The following ZNF74 variants were observed in gnomAD, a reference collection of about 807,000 sequenced individuals.
ZNF74 encodes the protein zinc finger protein 74, also known as zinc finger protein 520.
Under a neutral mutation model 17.7 loss-of-function variants are expected in ZNF74, and 12 were observed. That is an observed-to-expected ratio of 0.68 (90% CI 0.43 to 1.10). The LOEUF is 1.10. Among genes scored for constraint, ZNF74 ranks in the 50% least tolerant of loss-of-function variants. The pLI is 0.00. For missense variants in ZNF74, 811 were observed against 881.0 expected (o/e 0.92, Z 1.01); for synonymous variants, 358 against 362.1 (o/e 0.99, Z 0.13).
rs2052357678 is a variant in ZNF74, at chr22:20,401,546, C to G, written c.343+174C>G. Among the ~76,000 whole-genome samples, 1 of 152,214 alleles carries G rather than the reference C, an allele frequency of 6.6e-6. No homozygotes were observed. Among genetic ancestry groups the G allele is most frequent in the South Asian group, 2.1e-4 (1 of 4,830 alleles). ...GCACGTACTGAGCACTGCCTGTGTG[C>G]TGAGACCTGTTCTGGGATACAACAG... On this transcript the variant is annotated intron_variant, in intron 4 of 4. Transcript: ENST00000400451. The surrounding 1 kb of genome is among the most constrained non-coding windows in gnomAD (Gnocchi z 4.2).
Position 20,406,775 on chromosome 22 carries a change from G to T in ZNF74, c.1742G>T (p.Gly581Val), listed in dbSNP as rs1283606035. The T allele has an allele frequency of 1.2e-6, 2 of 1,614,004 alleles. No homozygotes were observed. The highest frequency in any genetic ancestry group is 2.7e-5 in the African/African-American group (2 of 74,942). The change falls in exon 5 of 5, where the codon GGG becomes GTG. Residue 581 changes from glycine to valine, a missense_variant. Gly to Val is a moderately radical substitution (Grantham distance 109). This residue lies in a region of ZNF74 where 115 missense variants were observed against 119.5 expected (regional missense o/e 0.96). Transcript: ENST00000400451. ...GAGCACCAGAGGCTGCACAGCGAGG[G>T]GAAGCCCTTGGCCATCCAGTTCAAC... Reference protein sequence around the residue: ...LTEHQRLHSEGKPLAIQFNKH... With the variant: ...LTEHQRLHSEVKPLAIQFNKH...
intron 4 of ZNF74, among the ~76,000 whole-genome samples, chr22:20,404,320 T>A (rs2052389213): frequency 6.6e-6 from 1 of 152,008 alleles, no homozygotes; most frequent in Non-Finnish European, 1.5e-5. Context: ...GTACAGCTTT[T>A]TGGGTTTTGT....
rs1487994754 is a variant in ZNF74 at position 20,407,539 on chromosome 22, C to A, written c.*571C>A. 3 of 152,946 alleles carry A rather than the reference C, an allele frequency of 2.0e-5. No homozygotes were observed. Among genetic ancestry groups the A allele is most frequent in the Non-Finnish European group, 2.9e-5 (2 of 68,646 alleles). 9.5% of individuals were successfully genotyped at this position (152,946 alleles called of 1,614,324 possible). A position where few individuals can be genotyped will look rare whatever the true frequency, so the allele number is the denominator to read the frequency against. On this transcript the variant is annotated 3_prime_UTR_variant, in exon 5 of 5. Transcript: ENST00000400451. Reference sequence around the variant, plus strand: ...CAGCACTGCACTGCAGCCTGGGTGACAAAGCAAGACCCTGTGTGAAATTAA... The same window carrying A: ...CAGCACTGCACTGCAGCCTGGGTGAAAAAGCAAGACCCTGTGTGAAATTAA...
Position 20,407,129 on chromosome 22 carries a change from A to G in ZNF74, c.*161A>G. The stretch of plus-strand genomic sequence containing the variant: ...GCATGCCAGGGTGCCTCCTCTAGTT[A>G]AAGTCAGTCACCTCCCCAGAAGGGC... On this transcript the variant is annotated 3_prime_UTR_variant, in exon 5 of 5. Transcript: ENST00000400451. 1 of 1,168,716 alleles carries G rather than the reference A, an allele frequency of 8.6e-7. No homozygotes were observed. Among genetic ancestry groups the G allele is most frequent in the Non-Finnish European group, 1.2e-6 (1 of 858,276 alleles). 72.4% of individuals were successfully genotyped at this position (1,168,716 alleles called of 1,614,324 possible). A position where few individuals can be genotyped will look rare whatever the true frequency, so the allele number is the denominator to read the frequency against.
At chr22:20,402,336 A>G (rs1374424576) in intron 4 of ZNF74, among the ~76,000 whole-genome samples, 2 of 152,198 alleles carry the variant, frequency 1.3e-5, no homozygotes. Flanking sequence ...ACAAGATTAC[A>G]GGTTTCAAAA....
chr22:20,402,743 G>A lies in ZNF74; in HGVS notation c.343+1371G>A, dbSNP rs574884996. Among the ~76,000 whole-genome samples, 7 of 151,064 alleles carry A rather than the reference G, an allele frequency of 4.6e-5. No homozygotes were observed. The East Asian group carries it at 1.4e-3, about 30-fold the overall frequency. ...TTGAACCCAGGAGGCAGAGGTTGCG[G>A]TGAGCTGAGATCGTGCCATTGCACT... On this transcript the variant is annotated intron_variant, in intron 4 of 4. Transcript: ENST00000400451.
chr22:20,404,540 T>G (rs1398396973), intron 4 of ZNF74, among the ~76,000 whole-genome samples: 1 of 152,070 alleles, frequency 6.6e-6, no homozygotes, highest in Non-Finnish European at 1.5e-5. Context: ...CCCAGGCTGG[T>G]CTTGATCTGG....
chr22:20,399,561 T>C (rs1458327870), intron 2 of ZNF74: 1 of 402,110 alleles, frequency 2.5e-6, no homozygotes, highest in East Asian at 9.4e-5. Flanking sequence ...TATGGTTGGA[T>C]TTACATGTCC....
rs549722387 is a variant in ZNF74 at position 20,406,799 on chromosome 22, A to T, written c.1766A>T (p.Asn589Ile). ...SEGKPLAIQF[N>I]KHLLSTYYVP... The stretch of plus-strand genomic sequence containing the variant: ...GGGAAGCCCTTGGCCATCCAGTTCA[A>T]CAAACACCTGCTCAGCACATACTAC... The change falls in exon 5 of 5, where the codon AAC becomes ATC. Residue 589 changes from asparagine to isoleucine, a missense_variant. Physicochemically the swap from Asn to Ile is moderately radical, Grantham distance 149. This residue lies in a region of ZNF74 where 115 missense variants were observed against 119.5 expected (regional missense o/e 0.96). Transcript: ENST00000400451. 6 of 1,614,106 alleles carry T rather than the reference A, an allele frequency of 3.7e-6. No homozygotes were observed. The highest frequency in any genetic ancestry group is 1.3e-5 in the African/African-American group (1 of 75,064).
In ZNF74 at chr22:20,401,103, A is replaced by G; in HGVS notation, c.248-174A>G. The stretch of plus-strand genomic sequence containing the variant: ...AGCACACGTGGGGTCTTCAGAGTAT[A>G]CACTGGGATTTGGGTTCCAGTCTGA... On this transcript the variant is annotated intron_variant, in intron 3 of 4. Coordinates refer to ENST00000400451, the MANE Select transcript of ZNF74 (RefSeq NM_003426.4). This position sits in a 1 kb window ranked among gnomAD's most constrained non-coding sequence, Gnocchi z 4.2. The G allele has an allele frequency of 1.6e-6, 1 of 607,354 alleles. No individual in the cohort carries two copies. The highest frequency in any genetic ancestry group is 2.9e-6 in the Non-Finnish European group (1 of 339,860). The allele number at this position is 607,354 out of a possible 1,614,324, so 37.6% of individuals were successfully genotyped here.
In ZNF74 at chr22:20,394,406, G is replaced by A; in HGVS notation, c.-223G>A. ...CGCCGAGCATGGGGCTGAGCCTGGT[G>A]TGGGGAGTGGGTATCTGCGGAGCCG... is the stretch of plus-strand genomic sequence containing the variant. On this transcript the variant is annotated 5_prime_UTR_variant, in exon 1 of 5. It adds an upstream start codon to the 5' untranslated region. Coordinates refer to ENST00000400451, the MANE Select transcript of ZNF74 (RefSeq NM_003426.4). The A allele has an allele frequency of 1.6e-6, 1 of 644,640 alleles. No homozygotes were observed. Among genetic ancestry groups the A allele is most frequent in the Non-Finnish European group, 2.8e-6 (1 of 353,930 alleles). The allele number at this position is 644,640 out of a possible 1,614,324, so 39.9% of individuals were successfully genotyped here. A position where few individuals can be genotyped will look rare whatever the true frequency, so the allele number is the denominator to read the frequency against.
chr22:20,404,888 C>G (rs1447469906), intron 4 of ZNF74, among the ~76,000 whole-genome samples: 2 of 152,090 alleles, frequency 1.3e-5, no homozygotes, highest in Non-Finnish European at 2.9e-5. Context: ...TGCAGTGAGC[C>G]GAGATCGCGC....
At chr22:20,404,414 C>T (rs925143507) in intron 4 of ZNF74, among the ~76,000 whole-genome samples, 1 of 152,062 alleles carries the variant, frequency 6.6e-6, no homozygotes, top group Non-Finnish European at 1.5e-5. Context: ...GAAGCCTCAA[C>T]CTCCCTAGGC....
rs570761657 is a variant in ZNF74, at chr22:20,406,083, C to A, written c.1050C>A (p.His350Gln). ...GCTGCAGCTCGCTGCTCAGCATGCA[C>A]CTGCGGGTGCACACCGGCGAGAAGC... ...AFSCSSLLSMHLRVHTGEKPY... is the reference protein window; with the variant it reads ...AFSCSSLLSMQLRVHTGEKPY... Residue 350 changes from histidine (H) to glutamine (Q), a missense_variant, in exon 5 of 5, where the codon CAC becomes CAA. By Grantham distance (24) the His-to-Gln change is conservative. Transcript: ENST00000400451. 1.2e-6 allele frequency: 2 copies of A among 1,613,142 alleles called. No individual in the cohort carries two copies. Among genetic ancestry groups the A allele is most frequent in the African/African-American group, 2.7e-5 (2 of 74,900 alleles).
In ZNF74 at chr22:20,405,361, T is replaced by G; in HGVS notation, c.344-16T>G. ...TTTCCGCTTGCTCACAGAAAATCAT[T>G]TTCAATATCTTACAGAATGGGAGCT... On this transcript the variant is annotated splice_polypyrimidine_tract_variant and intron_variant, in intron 4 of 4. Coordinates refer to ENST00000400451, the MANE Select transcript of ZNF74 (RefSeq NM_003426.4). The G allele has an allele frequency of 6.3e-7, 1 of 1,579,372 alleles. No individual in the cohort carries two copies. The highest frequency in any genetic ancestry group is 8.6e-7 in the Non-Finnish European group (1 of 1,169,010).
chr22:20,406,578 C>G lies in ZNF74; in HGVS notation c.1545C>G (p.Leu515=). 1 of 1,614,100 alleles carries G rather than the reference C, an allele frequency of 6.2e-7. No homozygotes were observed. The highest frequency in any genetic ancestry group is 1.1e-5 in the South Asian group (1 of 91,070). ...AGGCCTTCAGCTGCCACTCGTCCCT[C>G]ATCGTGCACCAGCGCATCCACACCG... The part of the protein sequence containing the change: ...CWKAFSCHSS[L]IVHQRIHTGE... Residue 515 remains leucine (L), a synonymous_variant, in exon 5 of 5, where the codon CTC becomes CTG. Transcript: ENST00000400451.
At chr22:20,395,265 G>T in intron 1 of ZNF74, 68 bp from the exon 2 acceptor site, 2 of 1,267,536 alleles carry the variant, frequency 1.6e-6, no homozygotes, top group South Asian at 1.3e-5. Context: ...CTTGTGCCAC[G>T]ACAGGTGGGC....
In ZNF74 at chr22:20,406,015, G is replaced by C; in HGVS notation, c.982G>C (p.Gly328Arg). Residue 328 changes from glycine to arginine, a missense_variant, in exon 5 of 5, where the codon GGC (glycine) becomes CGC (arginine). Physicochemically the swap from Gly to Arg is moderately radical, Grantham distance 125. Around this residue, in one of 3 missense-constraint regions of ZNF74, gnomAD observed 666 missense variants for 702.3 expected, o/e 0.95. Transcript: ENST00000400451. ...SLNVHQRIHT[G>R]ERPYKCSACE... The stretch of plus-strand genomic sequence containing the variant: ...CAACGTGCACCAGCGCATCCACACG[G>C]GCGAGCGGCCCTACAAGTGCAGCGC... The C allele has an allele frequency of 6.2e-7, 1 of 1,613,686 alleles. No homozygotes were observed. Among genetic ancestry groups the C allele is most frequent in the South Asian group, 1.1e-5 (1 of 91,058 alleles).
Position 20,405,969 on chromosome 22 carries a change from C to A in ZNF74, c.936C>A (p.Ala312=). 6.2e-7 allele frequency: 1 copy of A among 1,613,716 alleles called. No homozygotes were observed. Among genetic ancestry groups the A allele is most frequent in the Non-Finnish European group, 8.5e-7 (1 of 1,179,938 alleles). Residue 312 remains alanine, a synonymous_variant, in exon 5 of 5, where the codon GCC becomes GCA. Coordinates refer to ENST00000400451, the MANE Select transcript of ZNF74 (RefSeq NM_003426.4). ...TCTTCTGCGGCGAGTGCGGGAAGGC[C>A]TTCAGCTGCCACTCGTCCCTCAACG... ...KPFFCGECGK[A]FSCHSSLNVH...
Sources: allele counts gnomAD v4.1 joint callset (sites outside exome capture counted in the v4.1 genomes callset), GRCh38; gene constraint gnomAD v4.1.1; regional missense constraint gnomAD v4.1.1; non-coding constraint Gnocchi (gnomAD v3.1); transcripts MANE v1.5; gene names NCBI Gene and HGNC (gene_info 2026-07-23, HGNC 2026-07-21).